ERBB4: variants seen among roughly 807,000 people sequenced by gnomAD.
ERBB4 encodes erb-b2 receptor tyrosine kinase 4, also known as receptor tyrosine-protein kinase erbB-4.
ERBB4 carries 42 observed loss-of-function variants against 158.0 expected under a neutral mutation model. The ratio of observed to expected loss-of-function variants is 0.27; its 90% confidence interval spans 0.21 to 0.34. The LOEUF (loss-of-function observed/expected upper bound fraction) is 0.34, where lower values mean the gene tolerates loss of function less well. ERBB4 is among the 10% of genes least tolerant of loss of function. The pLI, the probability that ERBB4 is intolerant of heterozygous loss-of-function variation, is 1.00. For missense variants in ERBB4, 1,333 were observed against 1,624.1 expected (o/e 0.82, Z 3.08); for synonymous variants, 583 against 558.7 (o/e 1.04, Z -0.61).
intron 1 of ERBB4, among the ~76,000 whole-genome samples, chr2:212,140,347 G>A (rs1187812011): frequency 6.8e-6 from 1 of 147,698 alleles, no homozygotes; most frequent in Admixed American, 6.8e-5. Context: ...TTCTGGGTAT[G>A]AGACATATAA....
chr2:211,543,029 G>A (rs2066853863), intron 20 of ERBB4, among the ~76,000 whole-genome samples: 1 of 151,954 alleles, frequency 6.6e-6, no homozygotes, highest in Non-Finnish European at 1.5e-5. Context: ...TGTGTTATAT[G>A]TGTTTTGGGG....
intron 5 of ERBB4, among the ~76,000 whole-genome samples, chr2:211,736,238 AC>A (rs1197965103): frequency 1.3e-5 from 2 of 152,152 alleles, no homozygotes; most frequent in African/African-American, 4.8e-5. Flanking sequence ...TGTTTTTCAA[AC>A]TTTTGATTTT....
chr2:211,418,097 TTG>T (rs1339982788), intron 25 of ERBB4, among the ~76,000 whole-genome samples: 94 of 145,122 alleles, frequency 6.5e-4, no homozygotes, highest in Middle Eastern at 3.5e-3. Context: ...TTTTTTTTTT[TTG>T]GTTTCAAAGT....
intron 25 of ERBB4, among the ~76,000 whole-genome samples, chr2:211,411,519 A>T: frequency 6.6e-6 from 1 of 152,240 alleles, no homozygotes; most frequent in East Asian, 1.9e-4. Context: ...CTTTCTTAAA[A>T]TATGCAAATT....
rs182384445 is a variant in ERBB4 at position 212,170,168 on chromosome 2, T to G, written c.83-45265A>C. On this transcript the variant is annotated intron_variant, in intron 1 of 27. Transcript: ENST00000342788. ...GTTGAATGGTTTTTGGCCAAAATGC[T>G]GACAATGATATGAACAATGAAGTCC... is the stretch of plus-strand genomic sequence containing the variant. Among the ~76,000 whole-genome samples the G allele has an allele frequency of 3.0e-3, 463 of 152,286 alleles. 4 individuals carry two copies. The highest frequency in any genetic ancestry group is 0.011 in the African/African-American group (451 of 41,570).
chr2:212,344,371 C>G (rs2088872937), intron 1 of ERBB4, among the ~76,000 whole-genome samples: 1 of 152,160 alleles, frequency 6.6e-6, no homozygotes, highest in African/African-American at 2.4e-5. Flanking sequence ...GTCTCCAGAC[C>G]TTGCTAAATG....
chr2:211,422,276 T>A (rs982484525), intron 23 of ERBB4, among the ~76,000 whole-genome samples, 172 bp from the exon 24 acceptor site: 3 of 151,932 alleles, frequency 2.0e-5, no homozygotes, highest in African/African-American at 7.2e-5. Context: ...GCTTTATCGG[T>A]CTCTTTGTTG....
intron 1 of ERBB4, among the ~76,000 whole-genome samples, chr2:212,517,227 G>A (rs1005142305): frequency 6.6e-6 from 1 of 151,812 alleles, no homozygotes; most frequent in Non-Finnish European, 1.5e-5. Flanking sequence ...ACAATTCATG[G>A]CCTGTGTCAG....
intron 1 of ERBB4, among the ~76,000 whole-genome samples, chr2:212,263,973 G>C (rs1263505885): frequency 6.6e-6 from 1 of 151,976 alleles, no homozygotes; most frequent in East Asian, 1.9e-4. Flanking sequence ...TAAATGGTAA[G>C]CTCCTATATT....
At chr2:211,945,807 T>C (rs1467020212) in intron 3 of ERBB4, among the ~76,000 whole-genome samples, 1 of 152,082 alleles carries the variant, frequency 6.6e-6, no homozygotes, top group Non-Finnish European at 1.5e-5. Context: ...ATTCTCTATG[T>C]GGAAAGATTT....
At chr2:212,394,716 A>C (rs1481591143) in intron 1 of ERBB4, among the ~76,000 whole-genome samples, 1 of 152,132 alleles carries the variant, frequency 6.6e-6, no homozygotes, top group Non-Finnish European at 1.5e-5. Context: ...TCATTCAAGC[A>C]CTAGAAAATT....
intron 1 of ERBB4, among the ~76,000 whole-genome samples, chr2:212,444,265 G>C (rs537068905): frequency 6.6e-6 from 1 of 152,264 alleles, no homozygotes; most frequent in African/African-American, 2.4e-5. Context: ...CTCCTTTCTA[G>C]GATAACCCTG....
chr2:212,095,296 A>T lies in ERBB4; in HGVS notation c.234+29456T>A, dbSNP rs546229187. 1.6e-4 allele frequency among the ~76,000 whole-genome samples: 25 copies of T among 152,302 alleles called. 1 individual carries two copies. Among genetic ancestry groups the T allele is most frequent in the Admixed American group, 4.6e-4 (7 of 15,294 alleles). ...TTCCCCCACTTATTAAATTGATTTTATTAAACTTGTTCCTGGCTGATTTGC... is the reference window on the plus strand; with the variant it reads ...TTCCCCCACTTATTAAATTGATTTTTTTAAACTTGTTCCTGGCTGATTTGC... On this transcript the variant is annotated intron_variant, in intron 2 of 27. Coordinates refer to ENST00000342788, the MANE Select transcript of ERBB4 (RefSeq NM_005235.3).
intron 4 of ERBB4, among the ~76,000 whole-genome samples, chr2:211,762,388 G>A (rs1251779603): frequency 6.6e-6 from 1 of 152,170 alleles, no homozygotes; most frequent in Admixed American, 6.5e-5. Flanking sequence ...AGAATGTTAC[G>A]AATAACCCAA....
At chr2:212,382,115 A>T (rs1164538886) in intron 1 of ERBB4, among the ~76,000 whole-genome samples, 2 of 150,802 alleles carry the variant, frequency 1.3e-5, no homozygotes, top group Admixed American at 6.7e-5. Context: ...ACACATACAC[A>T]CACATACATA....
chr2:211,910,496 T>C (rs2079515081), intron 3 of ERBB4, among the ~76,000 whole-genome samples: 1 of 151,154 alleles, frequency 6.6e-6, no homozygotes, highest in South Asian at 2.1e-4. Flanking sequence ...ATACTGCATG[T>C]TCCCACTTAT....
chr2:212,135,670 T>C (rs1288677243), intron 1 of ERBB4, among the ~76,000 whole-genome samples: 2 of 152,204 alleles, frequency 1.3e-5, no homozygotes, highest in Non-Finnish European at 2.9e-5. Context: ...GTCAGAAATG[T>C]AATATTCCCT....
At chr2:211,700,601 C>T (rs995905573) in intron 12 of ERBB4, among the ~76,000 whole-genome samples, 2 of 152,114 alleles carry the variant, frequency 1.3e-5, no homozygotes, top group Admixed American at 6.5e-5. Context: ...ATTTCTGGAA[C>T]AAGATGGGGT....
rs1308995417 is a variant in ERBB4, at chr2:212,331,045, A to G, written c.83-206142T>C. Among the ~76,000 whole-genome samples the G allele has an allele frequency of 1.6e-4, 6 of 38,704 alleles. No individual in the cohort carries two copies. The Admixed American group carries it at 2.6e-3, about 17-fold the overall frequency. The allele number at this position is 38,704 out of a possible 152,430, so 25.4% of individuals were successfully genotyped here. A position where few individuals can be genotyped will look rare whatever the true frequency, so the allele number is the denominator to read the frequency against. On this transcript the variant is annotated intron_variant, in intron 1 of 27. Coordinates refer to ENST00000342788, the MANE Select transcript of ERBB4 (RefSeq NM_005235.3). Reference sequence around the variant, plus strand: ...AAAATATTGTATCAGTAAGTTTCCCATATTTGTAATTTGTATATATATATA... The same window carrying G: ...AAAATATTGTATCAGTAAGTTTCCCGTATTTGTAATTTGTATATATATATA...
Sources: allele counts gnomAD v4.1 joint callset (sites outside exome capture counted in the v4.1 genomes callset), GRCh38; gene constraint gnomAD v4.1.1; transcripts MANE v1.5; gene names NCBI Gene and HGNC (gene_info 2026-07-23, HGNC 2026-07-21).